Variants in PSEN1 observed in about 807,000 individuals in gnomAD.
PSEN1 encodes the protein presenilin-1.
A neutral mutation model predicts 53.5 loss-of-function variants in PSEN1; 15 were observed. The observed-to-expected ratio is 0.28, with a 90% CI of 0.19 to 0.43. The LOEUF (loss-of-function observed/expected upper bound fraction) is 0.43, where lower values mean the gene tolerates loss of function less well. Ranked by LOEUF, PSEN1 falls within the 20% of genes least tolerant of loss-of-function variation. PSEN1 has a pLI of 1.00. For missense variants in PSEN1, 387 were observed against 571.2 expected (o/e 0.68, Z 3.29); for synonymous variants, 208 against 209.8 (o/e 0.99, Z 0.08).
At chr14:73,188,654 C>G (rs568420160) in intron 6 of PSEN1, among the ~76,000 whole-genome samples, 1 of 152,110 alleles carries the variant, frequency 6.6e-6, no homozygotes, top group African/African-American at 2.4e-5. Context: ...AAATAAATAA[C>G]TAAATCTCTA....
intron 8 of PSEN1, among the ~76,000 whole-genome samples, chr14:73,204,480 C>T (rs1038692673): frequency 1.3e-5 from 2 of 150,000 alleles, no homozygotes; most frequent in African/African-American, 4.9e-5. Flanking sequence ...AAATATGGCC[C>T]ATGGCTTGTT....
At chr14:73,195,359 G>T (rs1898898954) in intron 7 of PSEN1, among the ~76,000 whole-genome samples, 1 of 152,034 alleles carries the variant, frequency 6.6e-6, no homozygotes, top group Admixed American at 6.6e-5. Flanking sequence ...TTTTAGTAGA[G>T]ACGAGGTTTT....
chr14:73,186,933 A>G lies in PSEN1; in HGVS notation c.548+13A>G, dbSNP rs201977851. 35 of 1,604,786 alleles carry G rather than the reference A, an allele frequency of 2.2e-5. No homozygotes were observed. In the Middle Eastern group the frequency reaches 5.0e-4, roughly 23 times the overall value. ...TCATTTACTTGGGGTAAGTTGTGAA[A>G]TTTTTGGTCTGTCTTTCAGAATTAA... On this transcript the variant is annotated intron_variant, in intron 6 of 11. Transcript: ENST00000324501.
chr14:73,204,009 T>C (rs1413929018), intron 8 of PSEN1, among the ~76,000 whole-genome samples: 1 of 152,202 alleles, frequency 6.6e-6, no homozygotes, highest in Non-Finnish European at 1.5e-5. Context: ...TTTTATTTTA[T>C]TTTTTTGAGA....
chr14:73,174,136 C>T, intron 5 of PSEN1: 1 of 205,372 alleles, frequency 4.9e-6, no homozygotes. Flanking sequence ...CCTTTTTAGG[C>T]CATTGTCTCA....
chr14:73,155,919 T>G (rs1041849956), intron 3 of PSEN1, among the ~76,000 whole-genome samples: 25 of 152,268 alleles, frequency 1.6e-4, no homozygotes, highest in African/African-American at 6.0e-4. Flanking sequence ...GGACTGTCAA[T>G]GTAGGTTCAT....
chr14:73,211,259 A>G (rs916362555), intron 9 of PSEN1, among the ~76,000 whole-genome samples: 3 of 152,230 alleles, frequency 2.0e-5, no homozygotes, highest in African/African-American at 7.2e-5. Context: ...ACTAGTTTAT[A>G]GGCTTGGTCT....
At chr14:73,215,541 TA>T (rs202175306) in intron 10 of PSEN1, among the ~76,000 whole-genome samples, 84 of 144,364 alleles carry the variant, frequency 5.8e-4, no homozygotes, top group East Asian at 8.1e-4. Context: ...CGAGATCACT[TA>T]AAAAAAAAAA....
chr14:73,189,647 T>C (rs890028538), intron 6 of PSEN1: 3 of 153,894 alleles, frequency 1.9e-5, no homozygotes, highest in African/African-American at 7.2e-5. Context: ...TCAATAACCT[T>C]CACATAAACA....
At chr14:73,147,543 C>T (rs545666290) in intron 1 of PSEN1, 4 of 198,370 alleles carry the variant, frequency 2.0e-5, no homozygotes, top group African/African-American at 9.4e-5. Context: ...CTTAAGATTA[C>T]TCAGCTCCCT....
intron 1 of PSEN1, among the ~76,000 whole-genome samples, chr14:73,145,644 G>A (rs78403601): frequency 2.6e-5 from 4 of 152,230 alleles, no homozygotes; most frequent in Admixed American, 6.5e-5. Flanking sequence ...CCGGCCTCAT[G>A]CAATTTATTG....
intron 3 of PSEN1, among the ~76,000 whole-genome samples, chr14:73,162,715 C>T (rs1897590288): frequency 6.6e-6 from 1 of 152,032 alleles, no homozygotes; most frequent in African/African-American, 2.4e-5. Flanking sequence ...CTCTAAGATA[C>T]ATAGTTAAGT....
chr14:73,144,633 G>A (rs1897019995), intron 1 of PSEN1, among the ~76,000 whole-genome samples: 1 of 152,122 alleles, frequency 6.6e-6, no homozygotes, highest in Non-Finnish European at 1.5e-5. Context: ...ACTTCTGTGT[G>A]CCACACTGTT....
chr14:73,147,712 TG>T, intron 1 of PSEN1, 82 bp from the exon 2 acceptor site: 1 of 373,920 alleles, frequency 2.7e-6, no homozygotes, highest in Non-Finnish European at 5.1e-6. Flanking sequence ...GTTTACAAAT[TG>T]GTCTTATAAG....
chr14:73,140,346 G>C (rs1896889669), intron 1 of PSEN1, among the ~76,000 whole-genome samples: 1 of 151,558 alleles, frequency 6.6e-6, no homozygotes, highest in Admixed American at 6.6e-5. Context: ...GAGTAGCTGG[G>C]ACTACAGGCG....
At chr14:73,155,966 G>A (rs973812501) in intron 3 of PSEN1, among the ~76,000 whole-genome samples, 1 of 152,182 alleles carries the variant, frequency 6.6e-6, no homozygotes, top group Admixed American at 6.5e-5. Context: ...GCAGGATGTT[G>A]ATAGAGGCTG....
chr14:73,197,904 C>T (rs890259882), intron 7 of PSEN1, 127 bp from the exon 8 acceptor site: 13 of 618,568 alleles, frequency 2.1e-5, no homozygotes, highest in Admixed American at 4.8e-5. Context: ...ATTCATTCAA[C>T]GTCTTTTTGT....
intron 5 of PSEN1, among the ~76,000 whole-genome samples, chr14:73,179,385 G>A (rs1898137228): frequency 6.6e-6 from 1 of 152,220 alleles, no homozygotes; most frequent in Non-Finnish European, 1.5e-5. Flanking sequence ...GGGAGGCCAA[G>A]GCGGGCAGAT....
intron 3 of PSEN1, among the ~76,000 whole-genome samples, chr14:73,151,896 T>A (rs12323830): frequency 6.4e-3 from 69 of 10,854 alleles, no homozygotes; most frequent in Middle Eastern, 0.062. Context: ...ATATATATAT[T>A]TTTTTTTTTT....
Sources: gnomAD v4.1 joint callset for allele counts (sites outside exome capture counted in the v4.1 genomes callset) on GRCh38, gnomAD v4.1.1 for gene constraint, MANE v1.5 for transcripts, NCBI Gene and HGNC (gene_info 2026-07-23, HGNC 2026-07-21) for gene names.